The following UBA2 variants were observed in gnomAD, a reference collection of about 807,000 sequenced individuals.
The protein encoded by UBA2 is SUMO-activating enzyme subunit 2.
Under a neutral mutation model 77.2 loss-of-function variants are expected in UBA2, and 11 were observed. The observed-to-expected ratio is 0.14, with a 90% CI of 0.09 to 0.24. The LOEUF is 0.24. Among genes scored for constraint, UBA2 ranks in the 10% least tolerant of loss-of-function variants. The probability of loss-of-function intolerance (pLI) is 1.00; values close to 1 mark genes in which losing one functional copy is unlikely to be tolerated. For missense variants in UBA2, 487 were observed against 781.7 expected (o/e 0.62, Z 4.50); for synonymous variants, 278 against 276.7 (o/e 1.00, Z -0.05).
At chr19:34,463,383 A>G (rs1388868963) in intron 14 of UBA2, among the ~76,000 whole-genome samples, 1 of 152,124 alleles carries the variant, frequency 6.6e-6, no homozygotes, top group Non-Finnish European at 1.5e-5. Flanking sequence ...AAATACCACA[A>G]CCCAGGTGGC....
At chr19:34,457,832 A>C (rs2075585184) in intron 12 of UBA2, among the ~76,000 whole-genome samples, 1 of 152,160 alleles carries the variant, frequency 6.6e-6, no homozygotes, top group Non-Finnish European at 1.5e-5. Context: ...TAGAAGCAGG[A>C]GCTTGGAGCT....
At position 34,435,111 on chromosome 19, in the gene UBA2, T is replaced by A. The variant is rs963349349; in HGVS notation, c.459+143T>A. ...TTTTATGCTTATATAAAACTTAAAATGCGGGGCCAGGTGCAGTGGCTCATA... is the reference window on the plus strand; with the variant it reads ...TTTTATGCTTATATAAAACTTAAAAAGCGGGGCCAGGTGCAGTGGCTCATA... On this transcript the variant is annotated intron_variant, in intron 5 of 16. Transcript: ENST00000246548. 4.8e-6 allele frequency: 3 copies of A among 622,872 alleles called. No homozygotes were observed. The African/African-American group carries it at 5.7e-5, about 12-fold the overall frequency. 38.6% of individuals were successfully genotyped at this position (622,872 alleles called of 1,614,324 possible). A position where few individuals can be genotyped will look rare whatever the true frequency, so the allele number is the denominator to read the frequency against.
intron 10 of UBA2, among the ~76,000 whole-genome samples, chr19:34,453,405 T>C (rs773976671): frequency 1.3e-5 from 2 of 152,126 alleles, no homozygotes; most frequent in African/African-American, 2.4e-5. Flanking sequence ...TTGGATTGTA[T>C]TGCCTTATTT....
At chr19:34,463,966 A>C (rs2075660239) in intron 14 of UBA2, 60 bp from the exon 15 acceptor site, 2 of 1,262,876 alleles carry the variant, frequency 1.6e-6, no homozygotes, top group African/African-American at 2.9e-5. Context: ...TTTTTAAAAA[A>C]TCAACCTGAC....
At chr19:34,429,250 G>A (rs569381283) in intron 1 of UBA2, 8 of 985,344 alleles carry the variant, frequency 8.1e-6, no homozygotes, top group Non-Finnish European at 9.6e-6. Context: ...CATTAAAGAC[G>A]TTAGGACTGT....
intron 13 of UBA2, 39 bp from the exon 14 acceptor site, chr19:34,460,431 C>A: frequency 7.8e-7 from 1 of 1,276,242 alleles, no homozygotes; most frequent in Non-Finnish European, 1.1e-6. Flanking sequence ...CTTTAATTAC[C>A]TACGTTAATA....
chr19:34,444,864 T>G, intron 7 of UBA2, 136 bp from the exon 8 acceptor site: 1 of 873,122 alleles, frequency 1.1e-6, no homozygotes, highest in Non-Finnish European at 1.7e-6. Flanking sequence ...TGTGTTATTT[T>G]CTTATTCCTT....
At position 34,428,384 on chromosome 19, in the gene UBA2, G is replaced by A. The variant is rs2075208696; in HGVS notation, c.-49G>A. The A allele has an allele frequency of 2.4e-6, 3 of 1,231,260 alleles. No homozygotes were observed. The highest frequency in any genetic ancestry group is 4.1e-5 in the South Asian group (1 of 24,340). The allele number at this position is 1,231,260 out of a possible 1,614,324, so 76.3% of individuals were successfully genotyped here. ...CTTCCCCCACCCGCTTCCGGCCGCGGCTCGGTTCTCCCGCCTCCGCCTCCG... is the reference window on the plus strand; with the variant it reads ...CTTCCCCCACCCGCTTCCGGCCGCGACTCGGTTCTCCCGCCTCCGCCTCCG... On this transcript the variant is annotated 5_prime_UTR_variant, in exon 1 of 17. Coordinates refer to ENST00000246548, the MANE Select transcript of UBA2 (RefSeq NM_005499.3).
intron 14 of UBA2, among the ~76,000 whole-genome samples, chr19:34,463,594 T>G (rs2075655766): frequency 6.6e-6 from 1 of 152,108 alleles, no homozygotes; most frequent in African/African-American, 2.4e-5. Context: ...ATTGATTGAT[T>G]GATTGACTGG....
intron 6 of UBA2, among the ~76,000 whole-genome samples, chr19:34,442,396 A>G (rs2075380046): frequency 6.6e-6 from 1 of 152,242 alleles, no homozygotes; most frequent in Admixed American, 6.5e-5. Context: ...ATACTTCCCG[A>G]TAAACTCATC....
chr19:34,465,048 G>A (rs1468555866), intron 15 of UBA2, among the ~76,000 whole-genome samples: 1 of 151,948 alleles, frequency 6.6e-6, no homozygotes, highest in Non-Finnish European at 1.5e-5. Context: ...CAAAAAAAAA[G>A]GAATTGTCTG....
intron 8 of UBA2, among the ~76,000 whole-genome samples, chr19:34,445,446 T>G (rs1222525380): frequency 1.3e-5 from 2 of 148,500 alleles, no homozygotes; most frequent in Non-Finnish European, 3.0e-5. Flanking sequence ...TTTTTTTTTT[T>G]TTTTTTTTTT....
At chr19:34,463,612 G>C (rs1011998682) in intron 14 of UBA2, among the ~76,000 whole-genome samples, 1 of 151,856 alleles carries the variant, frequency 6.6e-6, no homozygotes, top group African/African-American at 2.4e-5. Context: ...TGGAGACAGA[G>C]TCCTAAAAAT....
rs569745379 is a variant in UBA2 at position 34,466,762 on chromosome 19, T to C, written c.1605-116T>C. ...TTTAAATAAAAATTAAAAAAAAAAT[T>C]AGAATCCACATATTTGGTGTATACA... On this transcript the variant is annotated intron_variant, in intron 15 of 16. Transcript: ENST00000246548. The C allele has an allele frequency of 5.5e-6, 4 of 733,930 alleles. No individual in the cohort carries two copies. In the African/African-American group the frequency reaches 7.2e-5, roughly 13 times the overall value. 45.5% of individuals were successfully genotyped at this position (733,930 alleles called of 1,614,324 possible). A position where few individuals can be genotyped will look rare whatever the true frequency, so the allele number is the denominator to read the frequency against.
At chr19:34,463,070 C>T (rs1422779887) in intron 14 of UBA2, among the ~76,000 whole-genome samples, 1 of 150,418 alleles carries the variant, frequency 6.6e-6, no homozygotes, top group Non-Finnish European at 1.5e-5. Flanking sequence ...GCACTCCAGC[C>T]TGGACAACAG....
chr19:34,454,526 T>G lies in UBA2; in HGVS notation c.1215T>G (p.Ile405Met). 1 of 1,607,002 alleles carries G rather than the reference T, an allele frequency of 6.2e-7. No individual in the cohort carries two copies. Among genetic ancestry groups the G allele is most frequent in the Non-Finnish European group, 8.5e-7 (1 of 1,176,128 alleles). ...TGATAGTATTGGAAGGATTGAAGAT[T>G]TTATCAGGAAAAATAGACCAGTGCA... ...AGLIVLEGLK[I>M]LSGKIDQCRT... Residue 405 changes from isoleucine to methionine, a missense_variant, in exon 12 of 17, where the codon ATT becomes ATG. Ile to Met is a conservative substitution (Grantham distance 10, BLOSUM62 1). Transcript: ENST00000246548.
At chr19:34,452,967 G>T (rs1057313634) in intron 10 of UBA2, among the ~76,000 whole-genome samples, 4 of 152,108 alleles carry the variant, frequency 2.6e-5, no homozygotes, top group African/African-American at 9.7e-5. Context: ...CATTGTTATT[G>T]TTATGCTAGT....
chr19:34,458,510 G>A (rs531849481), intron 12 of UBA2, among the ~76,000 whole-genome samples: 4 of 136,692 alleles, frequency 2.9e-5, no homozygotes, highest in African/African-American at 5.6e-5. Flanking sequence ...GCAGTGAGCC[G>A]AGATTGCGCC....
intron 1 of UBA2, 63 bp from the exon 2 acceptor site, chr19:34,430,513 G>C: frequency 7.9e-7 from 1 of 1,261,554 alleles, no homozygotes. Flanking sequence ...GGTGCTGAGA[G>C]TAGTGATACA....
Sources: gnomAD v4.1 joint callset for allele counts (sites outside exome capture counted in the v4.1 genomes callset) on GRCh38, gnomAD v4.1.1 for gene constraint, MANE v1.5 for transcripts, NCBI Gene and HGNC (gene_info 2026-07-23, HGNC 2026-07-21) for gene names.